The following COL20A1 variants were observed in gnomAD, a reference collection of about 807,000 sequenced individuals.
COL20A1 encodes collagen alpha-1(XX) chain.
Under a neutral mutation model 152.9 loss-of-function variants are expected in COL20A1, and 164 were observed. The ratio of observed to expected loss-of-function variants is 1.07; its 90% CI spans 0.94 to 1.22. COL20A1 has a LOEUF of 1.22. COL20A1 is among the 50% of genes most tolerant of loss of function. The pLI is 0.00. For missense variants in COL20A1, 1,873 were observed against 1,744.8 expected (o/e 1.07, Z -1.31); for synonymous variants, 864 against 756.0 (o/e 1.14, Z -2.34).
intron 3 of COL20A1, among the ~76,000 whole-genome samples, chr20:63,303,097 A>G (rs1056961868): frequency 9.2e-5 from 14 of 152,230 alleles, no homozygotes; most frequent in Admixed American, 8.5e-4. Flanking sequence ...AAGTAACCAC[A>G]CTAGCGACCA....
intron 14 of COL20A1, 145 bp from the exon 15 acceptor site, chr20:63,312,275 C>T: frequency 1.8e-6 from 2 of 1,140,758 alleles, no homozygotes; most frequent in Non-Finnish European, 1.2e-6. Flanking sequence ...CTGTTGCCCT[C>T]CCATCCCTCA....
In COL20A1 at chr20:63,332,573, G is replaced by A. The variant is rs1035701872; in HGVS notation, c.*1857G>A. ...CTGGGGCTCTCCAATTTGATGAAGG[G>A]ACTGGGCACTGGGTGGCTGAGACCA... On this transcript the variant is annotated 3_prime_UTR_variant, in exon 36 of 36. Transcript: ENST00000358894. The A allele has an allele frequency of 2.0e-5, 3 of 152,264 alleles. No homozygotes were observed. The highest frequency in any genetic ancestry group is 6.5e-5 in the Admixed American group (1 of 15,276). 9.4% of individuals were successfully genotyped at this position (152,264 alleles called of 1,614,324 possible).
intron 20 of COL20A1, 77 bp from the exon 21 acceptor site, chr20:63,316,476 C>T (rs945045691): frequency 2.5e-5 from 33 of 1,316,858 alleles, no homozygotes; most frequent in Non-Finnish European, 3.2e-5. Flanking sequence ...CTCTTGAGTC[C>T]CCGCTCCTGC....
chr20:63,326,504 A>AGCTGGAGCTGGAG (rs2123434313), intron 30 of COL20A1, among the ~76,000 whole-genome samples: 1 of 152,100 alleles, frequency 6.6e-6, no homozygotes, highest in South Asian at 2.1e-4. Context: ...AGCAGCTGGC[A>AGCTGGAGCTGGAG]CAGCTGGGGA....
rs2068134260 is a variant in COL20A1, at chr20:63,319,740, C to T, written c.2916+144C>T. On this transcript the variant is annotated intron_variant, in intron 23 of 35. Transcript: ENST00000358894. This position sits in a 1 kb window ranked among gnomAD's most constrained non-coding sequence, Gnocchi z 4.4. Reference sequence around the variant, plus strand: ...GGAACATTGACCTGGGGCTCTGTTCCTCTACCCCAGCTCTTCCATCTTAAT... The same window carrying T: ...GGAACATTGACCTGGGGCTCTGTTCTTCTACCCCAGCTCTTCCATCTTAAT... The T allele has an allele frequency of 9.5e-6, 6 of 632,814 alleles. No homozygotes were observed. Among genetic ancestry groups the T allele is most frequent in the Non-Finnish European group, 1.4e-5 (5 of 362,666 alleles). The allele number at this position is 632,814 out of a possible 1,614,324, so 39.2% of individuals were successfully genotyped here.
intron 19 of COL20A1, among the ~76,000 whole-genome samples, chr20:63,315,069 C>T (rs1156857256): frequency 6.6e-6 from 1 of 152,186 alleles, no homozygotes; most frequent in Non-Finnish European, 1.5e-5. Flanking sequence ...CCTGGCCCTG[C>T]CAGTTCAGGG....
Position 63,320,206 on chromosome 20 carries a change from G to C in COL20A1, c.3075+9G>C. ...GGAGCAGTTCGGCCGCGGTGAGTTG[G>C]GCCCTGCCCACCTGCTGGGCCACGC... is the stretch of plus-strand genomic sequence containing the variant. On this transcript the variant is annotated intron_variant, in intron 24 of 35. Coordinates refer to ENST00000358894, the MANE Select transcript of COL20A1 (RefSeq NM_020882.4). 1 of 1,596,214 alleles carries C rather than the reference G, an allele frequency of 6.3e-7. No individual in the cohort carries two copies. Among genetic ancestry groups the C allele is most frequent in the African/African-American group, 1.3e-5 (1 of 74,784 alleles).
At chr20:63,320,236 G>T (rs945135327) in intron 24 of COL20A1, 39 bp downstream of exon 24, 9 of 1,603,674 alleles carry the variant, frequency 5.6e-6, no homozygotes, top group Middle Eastern at 1.9e-4. Flanking sequence ...CCACGCTGGT[G>T]GGGGCTGGCA....
At chr20:63,320,988 A>G in intron 25 of COL20A1, 25 bp from the exon 26 acceptor site, 2 of 1,522,822 alleles carry the variant, frequency 1.3e-6, no homozygotes, top group Non-Finnish European at 1.8e-6. Flanking sequence ...GGTCTCTCTA[A>G]TGGGCAGGGT....
At chr20:63,304,636 G>T (rs967264383) in intron 3 of COL20A1, among the ~76,000 whole-genome samples, 5 of 143,446 alleles carry the variant, frequency 3.5e-5, no homozygotes, top group African/African-American at 1.1e-4. Context: ...CGCAGATGTG[G>T]GTTCCTCCCT....
In COL20A1 at chr20:63,306,742, T is replaced by C. The variant is rs2067930957; in HGVS notation, c.496+703T>C. Among the ~76,000 whole-genome samples the C allele has an allele frequency of 6.6e-6, 1 of 152,210 alleles. No individual in the cohort carries two copies. The highest frequency in any genetic ancestry group is 1.5e-5 in the Non-Finnish European group (1 of 68,018). ...CCATAGAACTGGGAGGGCCTGGCTT[T>C]GTCTCCTCCATCAGACTGGGGTCCT... On this transcript the variant is annotated intron_variant, in intron 5 of 35. Coordinates refer to ENST00000358894, the MANE Select transcript of COL20A1 (RefSeq NM_020882.4). This position sits in a 1 kb window ranked among gnomAD's most constrained non-coding sequence, Gnocchi z 6.9.
Position 63,319,410 on chromosome 20 carries a change from G to C in COL20A1, c.2807-77G>C. ...CCCTCAGGGCTGCTCCTGTCCTGTC[G>C]TGGGGGCCGCCCTGCTCAAGGTATA... is the stretch of plus-strand genomic sequence containing the variant. On this transcript the variant is annotated intron_variant, in intron 22 of 35. Transcript: ENST00000358894. The surrounding 1 kb of genome is among the most constrained non-coding windows in gnomAD (Gnocchi z 4.4). The C allele has an allele frequency of 8.2e-7, 1 of 1,226,396 alleles. No homozygotes were observed. The highest frequency in any genetic ancestry group is 2.6e-5 in the East Asian group (1 of 39,204). 76.0% of individuals were successfully genotyped at this position (1,226,396 alleles called of 1,614,324 possible). A position where few individuals can be genotyped will look rare whatever the true frequency, so the allele number is the denominator to read the frequency against.
chr20:63,323,926 A>G (rs2068206306), intron 27 of COL20A1, among the ~76,000 whole-genome samples: 1 of 152,230 alleles, frequency 6.6e-6, no homozygotes, highest in Non-Finnish European at 1.5e-5. Context: ...CATTCGCTTT[A>G]TAGATATACT....
At position 63,319,060 on chromosome 20, in the gene COL20A1, A is replaced by C; in HGVS notation, c.2666A>C (p.Asp889Ala). Residue 889 changes from aspartate (D) to alanine (A), a missense_variant and splice_region_variant, in exon 22 of 36, where the codon GAC (aspartate) becomes GCC (alanine). By Grantham distance (126) the Asp-to-Ala change is moderately radical. Coordinates refer to ENST00000358894, the MANE Select transcript of COL20A1 (RefSeq NM_020882.4). This position sits in a 1 kb window ranked among gnomAD's most constrained non-coding sequence, Gnocchi z 4.4. ...TCTCCCTCCCCCAACCCCCACAGTG[A>C]CGTCTACCCAGCCCCCCTACCTCCA... ...KDAQLTRRVS[D>A]VYPAPLPPEH... 2 of 1,124,848 alleles carry C rather than the reference A, an allele frequency of 1.8e-6. No individual in the cohort carries two copies. Among genetic ancestry groups the C allele is most frequent in the Non-Finnish European group, 2.6e-6 (2 of 764,652 alleles). The allele number at this position is 1,124,848 out of a possible 1,614,324, so 69.7% of individuals were successfully genotyped here. A position where few individuals can be genotyped will look rare whatever the true frequency, so the allele number is the denominator to read the frequency against.
At position 63,327,978 on chromosome 20, in the gene COL20A1, A is replaced by G. The variant is rs2068276191; in HGVS notation, c.3555A>G (p.Arg1185=). ...GACTGCCAGGGCCCAAAGGGGAACG[A>G]GGAGAGAAGGTAAGTGAGGCTGAGA... The part of the protein sequence containing the change: ...PTGLPGPKGE[R]GEKGEPQSLA... The change falls in exon 32 of 36, where the codon CGA becomes CGG. Residue 1185 remains arginine, a synonymous_variant. Transcript: ENST00000358894. 3.1e-6 allele frequency: 5 copies of G among 1,607,670 alleles called. No homozygotes were observed. Among genetic ancestry groups the G allele is most frequent in the Non-Finnish European group, 4.2e-6 (5 of 1,177,026 alleles).
chr20:63,333,930 CA>C lies in COL20A1; in HGVS notation c.*3215del, dbSNP rs2068363156. Reference sequence around the variant, plus strand: ...TGGGACACGTGGACTCACACCAGGGCAGATGGTGGGGGAAGCCAGTGTCTGT... The same window carrying C: ...TGGGACACGTGGACTCACACCAGGGCGATGGTGGGGGAAGCCAGTGTCTGT... On this transcript the variant is annotated 3_prime_UTR_variant, in exon 36 of 36. Coordinates refer to ENST00000358894, the MANE Select transcript of COL20A1 (RefSeq NM_020882.4). 6.6e-6 allele frequency: 1 copy of C among 152,280 alleles called. No individual in the cohort carries two copies. The highest frequency in any genetic ancestry group is 2.1e-4 in the South Asian group (1 of 4,836). 9.4% of individuals were successfully genotyped at this position (152,280 alleles called of 1,614,324 possible).
rs772468748 is a variant in COL20A1, at chr20:63,305,873, C to G, written c.338-8C>G. ...CCCACCCTGATGGCTCTTTGTGTCTCCCTGCAGTTGAGGATCTGAAGAGTA... is the reference window on the plus strand; with the variant it reads ...CCCACCCTGATGGCTCTTTGTGTCTGCCTGCAGTTGAGGATCTGAAGAGTA... On this transcript the variant is annotated splice_polypyrimidine_tract_variant and splice_region_variant and intron_variant, in intron 4 of 35. Coordinates refer to ENST00000358894, the MANE Select transcript of COL20A1 (RefSeq NM_020882.4). This position sits in a 1 kb window ranked among gnomAD's most constrained non-coding sequence, Gnocchi z 4.9. The G allele has an allele frequency of 6.2e-7, 1 of 1,612,856 alleles. No individual in the cohort carries two copies. The highest frequency in any genetic ancestry group is 8.5e-7 in the Non-Finnish European group (1 of 1,179,754).
intron 31 of COL20A1, 89 bp downstream of exon 31, chr20:63,326,912 C>T (rs1480417002): frequency 8.7e-6 from 8 of 914,558 alleles, no homozygotes; most frequent in Non-Finnish European, 1.3e-5. Flanking sequence ...GGACTTCCTA[C>T]TGACAGCTCA....
chr20:63,300,125 T>G (rs2067847691), intron 3 of COL20A1, among the ~76,000 whole-genome samples: 1 of 152,156 alleles, frequency 6.6e-6, no homozygotes, highest in African/African-American at 2.4e-5. Context: ...AATATTTCAT[T>G]TAAGATTTTT....
Sources: allele counts gnomAD v4.1 joint callset (sites outside exome capture counted in the v4.1 genomes callset), GRCh38; gene constraint gnomAD v4.1.1; non-coding constraint Gnocchi (gnomAD v3.1); transcripts MANE v1.5; gene names NCBI Gene and HGNC (gene_info 2026-07-23, HGNC 2026-07-21).